Variants in SERINC5 observed in about 807,000 individuals in gnomAD.
The protein encoded by SERINC5 is chromosome 5 open reading frame 12.
Under a neutral mutation model 63.1 loss-of-function variants are expected in SERINC5, and 41 were observed. The observed-to-expected ratio is 0.65, with a 90% CI of 0.51 to 0.84. SERINC5 has a LOEUF of 0.84. SERINC5 is among the 40% of genes least tolerant of loss of function. The pLI, the probability that SERINC5 is intolerant of heterozygous loss-of-function variation, is 0.00. For synonymous variants in SERINC5, 222 were observed against 215.2 expected, an observed-to-expected ratio of 1.03 and a Z score of -0.28; for missense variants, 523 against 573.0, an observed-to-expected ratio of 0.91 and a Z score of 0.89.
At chr5:80,230,459 A>AAG (rs1554071007) in intron 1 of SERINC5, among the ~76,000 whole-genome samples, 10 of 128,620 alleles carry the variant, frequency 7.8e-5, no homozygotes, top group African/African-American at 1.2e-4. Context: ...AAAAAAAAAA[A>AAG]AAAGAAACCA....
In SERINC5 at chr5:80,142,476, C is replaced by T. The variant is rs1467495069; in HGVS notation, c.*1187G>A. 6.0e-5 allele frequency: 59 copies of T among 984,212 alleles called. No individual in the cohort carries two copies. Among genetic ancestry groups the T allele is most frequent in the Admixed American group, 1.2e-4 (2 of 16,242 alleles). The allele number at this position is 984,212 out of a possible 1,614,324, so 61.0% of individuals were successfully genotyped here. On this transcript the variant is annotated 3_prime_UTR_variant, in exon 12 of 12. Coordinates refer to ENST00000507668, the MANE Select transcript of SERINC5 (RefSeq NM_001174072.3). ...TTGCAACTCCTGACCTCAAGTGATC[C>T]GCCTGCCTCTGCGCACCTCTTTTTA...
intron 7 of SERINC5, among the ~76,000 whole-genome samples, chr5:80,166,169 T>C (rs373927760): frequency 4.3e-4 from 65 of 152,346 alleles, no homozygotes; most frequent in African/African-American, 1.4e-3. Flanking sequence ...ATAGTCACCC[T>C]GTTGTGCTAT....
chr5:80,126,384 T>TA, intron 11 of SERINC5, among the ~76,000 whole-genome samples: 1 of 152,180 alleles, frequency 6.6e-6, no homozygotes, highest in Non-Finnish European at 1.5e-5. Context: ...TCCCTGGTGG[T>TA]ATAAGTCAGA....
intron 11 of SERINC5, among the ~76,000 whole-genome samples, chr5:80,133,061 G>GT (rs1419237997): frequency 6.6e-6 from 1 of 152,142 alleles, no homozygotes; most frequent in Non-Finnish European, 1.5e-5. Flanking sequence ...CTTCGCAATA[G>GT]TAAGTTCTCA....
At chr5:80,253,283 T>G (rs1752509633) in intron 1 of SERINC5, among the ~76,000 whole-genome samples, 1 of 152,212 alleles carries the variant, frequency 6.6e-6, no homozygotes, top group Admixed American at 6.6e-5. Flanking sequence ...AACAGCAGAT[T>G]GCCAGGATTC....
chr5:80,178,793 T>G (rs1280291855), intron 2 of SERINC5, among the ~76,000 whole-genome samples: 1 of 33,412 alleles, frequency 3.0e-5, no homozygotes, highest in African/African-American at 1.3e-4. Context: ...CTCCTCTCCC[T>G]CAGAAGAGTA....
In SERINC5 at chr5:80,140,963, A is replaced by T; in HGVS notation, c.*2700T>A. ...TAAAAGATATCAGTGAGTTAATCAA[A>T]TTAACACCGTTGTTATAGGAACTCA... is the stretch of plus-strand genomic sequence containing the variant. On this transcript the variant is annotated 3_prime_UTR_variant, in exon 12 of 12. Transcript: ENST00000507668. 1.0e-6 allele frequency: 1 copy of T among 985,428 alleles called. No homozygotes were observed. Among genetic ancestry groups the T allele is most frequent in the Non-Finnish European group, 1.2e-6 (1 of 829,910 alleles). The allele number at this position is 985,428 out of a possible 1,614,324, so 61.0% of individuals were successfully genotyped here. A position where few individuals can be genotyped will look rare whatever the true frequency, so the allele number is the denominator to read the frequency against.
In SERINC5 at chr5:80,140,305, C is replaced by CAAAAAAAAAAA. The variant is rs55718546; in HGVS notation, c.*3347_*3357dup. On this transcript the variant is annotated 3_prime_UTR_variant, in exon 12 of 12. Transcript: ENST00000507668. The stretch of plus-strand genomic sequence containing the variant: ...GTGGCTGACAGAGTGAGCCCGTCTC[C>CAAAAAAAAAAA]AAAAAAAAAAAAAAAAAAAAAAAAA... 1.1e-5 allele frequency: 5 copies of CAAAAAAAAAAA among 443,006 alleles called. No homozygotes were observed. In the African/African-American group the frequency reaches 2.5e-4, roughly 22 times the overall value. The allele number at this position is 443,006 out of a possible 1,614,324, so 27.4% of individuals were successfully genotyped here.
chr5:80,248,513 C>T lies in SERINC5; in HGVS notation c.27+7383G>A, dbSNP rs543610189. Among the ~76,000 whole-genome samples, 13 of 152,288 alleles carry T rather than the reference C, an allele frequency of 8.5e-5. No homozygotes were observed. In the South Asian group the frequency reaches 2.5e-3, roughly 29 times the overall value. On this transcript the variant is annotated intron_variant, in intron 1 of 11. Transcript: ENST00000507668. The stretch of plus-strand genomic sequence containing the variant: ...GTGAATTGTTTATTTCTGGAATTTT[C>T]CACTTAATATTTTCATACCCCAATA...
At chr5:80,240,614 A>G (rs965210919) in intron 1 of SERINC5, among the ~76,000 whole-genome samples, 1 of 152,182 alleles carries the variant, frequency 6.6e-6, no homozygotes, top group African/African-American at 2.4e-5. Context: ...ATTTACATTC[A>G]TTCTTAAAAA....
chr5:80,168,674 T>C (rs1747460961), intron 6 of SERINC5, among the ~76,000 whole-genome samples: 2 of 152,178 alleles, frequency 1.3e-5, no homozygotes, highest in African/African-American at 4.8e-5. Flanking sequence ...CCAAAGACAC[T>C]ATACCCTGGC....
chr5:80,143,720 C>G lies in SERINC5; in HGVS notation c.1329G>C (p.Leu443Phe), dbSNP rs1054921230. 1 of 1,536,132 alleles carries G rather than the reference C, an allele frequency of 6.5e-7. No individual in the cohort carries two copies. Among genetic ancestry groups the G allele is most frequent in the African/African-American group, 1.4e-5 (1 of 73,144 alleles). The stretch of plus-strand genomic sequence containing the variant: ...GGGGAGCGACCAGCGTACACAGGTA[C>G]AACAGCACGCATATCCAGCAGGAGG... ...KMASCWICVL[L>F]YLCTLVAPLC... The change falls in exon 12 of 12, where the codon TTG becomes TTC. Residue 443 changes from leucine (L) to phenylalanine (F), a missense_variant. Physicochemically the swap from Leu to Phe is conservative, Grantham distance 22. Coordinates refer to ENST00000507668, the MANE Select transcript of SERINC5 (RefSeq NM_001174072.3).
chr5:80,236,652 A>G (rs1751703384), intron 1 of SERINC5, among the ~76,000 whole-genome samples: 1 of 151,544 alleles, frequency 6.6e-6, no homozygotes, highest in Admixed American at 6.6e-5. Context: ...CAGTCTCCCA[A>G]GTAGCTGGGA....
At chr5:80,132,927 G>A (rs1174105949) in intron 11 of SERINC5, among the ~76,000 whole-genome samples, 1 of 152,148 alleles carries the variant, frequency 6.6e-6, no homozygotes, top group African/African-American at 2.4e-5. Context: ...GAAGGCTGTT[G>A]GTGTCTTCAC....
intron 2 of SERINC5, among the ~76,000 whole-genome samples, chr5:80,181,924 T>C (rs557502340): frequency 2.9e-4 from 44 of 152,352 alleles, no homozygotes; most frequent in African/African-American, 8.2e-4. Flanking sequence ...TTTTTCTTTA[T>C]TGCTCTCCCT....
chr5:80,171,388 G>A (rs1329988096), intron 5 of SERINC5, among the ~76,000 whole-genome samples: 3 of 152,114 alleles, frequency 2.0e-5, no homozygotes, highest in African/African-American at 7.2e-5. Context: ...CATCTTCTTA[G>A]GGAGGAAAGA....
At chr5:80,217,876 G>A (rs1307289699) in intron 1 of SERINC5, among the ~76,000 whole-genome samples, 3 of 152,138 alleles carry the variant, frequency 2.0e-5, no homozygotes, top group Non-Finnish European at 4.4e-5. Context: ...GCCCAGAAAG[G>A]TTAGGTGATT....
At chr5:80,137,975 TTCAGCCTCAA>T (rs1745282933), downstream of SERINC5, among the ~76,000 whole-genome samples, 2 of 151,730 alleles carry the variant, frequency 1.3e-5, no homozygotes, top group African/African-American at 2.4e-5. Flanking sequence ...CAATAAAAAA[TTCAGCCTCAA>T]AAAGAAGGAA....
Position 80,141,674 on chromosome 5 carries a change from CCT to C in SERINC5, c.*1987_*1988del, listed in dbSNP as rs1243904994. The C allele has an allele frequency of 4.1e-6, 4 of 985,450 alleles. No individual in the cohort carries two copies. Among genetic ancestry groups the C allele is most frequent in the Non-Finnish European group, 4.8e-6 (4 of 830,014 alleles). 61.0% of individuals were successfully genotyped at this position (985,450 alleles called of 1,614,324 possible). ...CTGTGTGTGACACGCAGCCCCACTC[CCT>C]GAGCCCATTCCTGGCCCACGGAACT... is the stretch of plus-strand genomic sequence containing the variant. On this transcript the variant is annotated 3_prime_UTR_variant, in exon 12 of 12. Coordinates refer to ENST00000507668, the MANE Select transcript of SERINC5 (RefSeq NM_001174072.3).
Sources: allele counts gnomAD v4.1 joint callset (sites outside exome capture counted in the v4.1 genomes callset), GRCh38; gene constraint gnomAD v4.1.1; transcripts MANE v1.5; gene names NCBI Gene and HGNC (gene_info 2026-07-23, HGNC 2026-07-21).